COL25A1: variants seen among roughly 807,000 people sequenced by gnomAD.
COL25A1 encodes the protein collagen alpha-1(XXV) chain.
Under a neutral mutation model 128.4 loss-of-function variants are expected in COL25A1, and 103 were observed. The ratio of observed to expected loss-of-function variants is 0.80; its 90% CI spans 0.68 to 0.94. COL25A1 has a LOEUF of 0.94. Ranked by LOEUF, COL25A1 falls within the 40% of genes least tolerant of loss-of-function variation. The pLI is 0.00. For missense variants in COL25A1, 745 were observed against 840.0 expected, an observed-to-expected ratio of 0.89 and a Z score of 1.40; for synonymous variants, 279 against 277.2, an observed-to-expected ratio of 1.01 and a Z score of -0.06.
chr4:109,261,063 A>C (rs970572410), intron 3 of COL25A1, among the ~76,000 whole-genome samples: 1 of 152,230 alleles, frequency 6.6e-6, no homozygotes, highest in Non-Finnish European at 1.5e-5. Context: ...AAACCATAGA[A>C]GTGCTTAAGC....
intron 3 of COL25A1, among the ~76,000 whole-genome samples, chr4:109,276,542 T>G (rs1305769689): frequency 6.6e-6 from 1 of 152,102 alleles, no homozygotes; most frequent in Non-Finnish European, 1.5e-5. Context: ...TTATTCAACT[T>G]ACTGAGCAGA....
chr4:108,927,998 A>G (rs1266410383), intron 11 of COL25A1, among the ~76,000 whole-genome samples: 2 of 152,072 alleles, frequency 1.3e-5, no homozygotes, highest in African/African-American at 2.4e-5. Context: ...AAATTAGCTC[A>G]CTCCAGCCCT....
At chr4:109,181,776 C>T (rs1470795256) in intron 3 of COL25A1, among the ~76,000 whole-genome samples, 1 of 151,938 alleles carries the variant, frequency 6.6e-6, no homozygotes, top group Non-Finnish European at 1.5e-5. Flanking sequence ...CTATAGTCAC[C>T]ATGTTGTATA....
At chr4:109,269,380 C>T (rs1380950046) in intron 3 of COL25A1, among the ~76,000 whole-genome samples, 1 of 145,824 alleles carries the variant, frequency 6.9e-6, no homozygotes, top group Non-Finnish European at 1.5e-5. Flanking sequence ...GTGAATAATG[C>T]CGCAATAAAC....
chr4:108,895,938 C>CTTTTT (rs35506597), intron 16 of COL25A1, among the ~76,000 whole-genome samples: 58 of 70,824 alleles, frequency 8.2e-4, no homozygotes, highest in East Asian at 1.4e-3. Context: ...TATAATCAAA[C>CTTTTT]TTTTTTTTTT....
intron 10 of COL25A1, 92 bp downstream of exon 10, chr4:108,940,444 GACC>G: frequency 1.0e-6 from 1 of 982,408 alleles, no homozygotes; most frequent in Non-Finnish European, 1.7e-6. Context: ...TTGACCCCCT[GACC>G]TGATGCCCCT....
At chr4:109,132,465 G>A (rs1307149507) in intron 3 of COL25A1, among the ~76,000 whole-genome samples, 1 of 151,886 alleles carries the variant, frequency 6.6e-6, no homozygotes, top group African/African-American at 2.4e-5. Flanking sequence ...CTTTAATCCT[G>A]ACAATATATA....
At chr4:109,175,013 A>G (rs912588556) in intron 3 of COL25A1, among the ~76,000 whole-genome samples, 8 of 152,176 alleles carry the variant, frequency 5.3e-5, no homozygotes, top group African/African-American at 1.9e-4. Context: ...ACTCCTTATA[A>G]GAACCTAACT....
intron 19 of COL25A1, among the ~76,000 whole-genome samples, chr4:108,878,962 T>C (rs1739776540): frequency 6.6e-6 from 1 of 152,236 alleles, no homozygotes; most frequent in Admixed American, 6.5e-5. Context: ...TTTTCTCTTT[T>C]AGGAATTCAT....
Position 109,025,590 on chromosome 4 carries a change from A to G in COL25A1, c.421-15215T>C, listed in dbSNP as rs143495179. The stretch of plus-strand genomic sequence containing the variant: ...TTTCTAACACCCAGAGAGTCAATTA[A>G]TTTATAATGCATGAGTCACATCATG... On this transcript the variant is annotated intron_variant, in intron 5 of 37. Transcript: ENST00000399132. Among the ~76,000 whole-genome samples, 295 of 152,282 alleles carry G rather than the reference A, an allele frequency of 1.9e-3. 2 individuals are homozygous for G. The highest frequency in any genetic ancestry group is 6.0e-3 in the African/African-American group (248 of 41,556).
At chr4:109,090,828 T>C (rs1036392518) in intron 3 of COL25A1, among the ~76,000 whole-genome samples, 6 of 152,172 alleles carry the variant, frequency 3.9e-5, no homozygotes, top group African/African-American at 1.2e-4. Context: ...GCATTAGTGA[T>C]TGACATCTTC....
At chr4:109,282,029 G>C (rs1478974830) in intron 3 of COL25A1, among the ~76,000 whole-genome samples, 1 of 152,166 alleles carries the variant, frequency 6.6e-6, no homozygotes, top group African/African-American at 2.4e-5. Flanking sequence ...GCCTAAGGGT[G>C]TATGTCATTA....
chr4:108,931,768 A>C (rs1746773536), intron 11 of COL25A1, among the ~76,000 whole-genome samples: 1 of 152,124 alleles, frequency 6.6e-6, no homozygotes, highest in Admixed American at 6.5e-5. Context: ...CCAGAAATAG[A>C]AGGCATCACT....
intron 3 of COL25A1, among the ~76,000 whole-genome samples, chr4:109,078,826 T>C (rs1579297080): frequency 6.6e-6 from 1 of 152,220 alleles, no homozygotes; most frequent in African/African-American, 2.4e-5. Flanking sequence ...CTTGTAATCC[T>C]GAACACCTTC....
At chr4:109,128,832 G>A (rs1290863519) in intron 3 of COL25A1, among the ~76,000 whole-genome samples, 4 of 152,186 alleles carry the variant, frequency 2.6e-5, no homozygotes, top group Non-Finnish European at 5.9e-5. Context: ...TGGTATCTAA[G>A]GTTCCTTCTG....
chr4:109,285,585 T>G (rs949519006), intron 3 of COL25A1, among the ~76,000 whole-genome samples: 2 of 152,202 alleles, frequency 1.3e-5, no homozygotes, highest in African/African-American at 2.4e-5. Flanking sequence ...AAAGGGATTA[T>G]CAGTGCCAGT....
chr4:109,239,699 C>T (rs1560915267), intron 3 of COL25A1, among the ~76,000 whole-genome samples: 4 of 151,658 alleles, frequency 2.6e-5, no homozygotes, highest in Non-Finnish European at 4.4e-5. Context: ...CTTATAAACA[C>T]AGTATACTTA....
At chr4:109,000,219 A>T (rs1755212433) in intron 6 of COL25A1, among the ~76,000 whole-genome samples, 1 of 152,202 alleles carries the variant, frequency 6.6e-6, no homozygotes, top group Non-Finnish European at 1.5e-5. Flanking sequence ...ATTAATATTC[A>T]CTGAGTGATT....
intron 35 of COL25A1, among the ~76,000 whole-genome samples, chr4:108,822,042 A>ACTTTTTTTTTTTTTT (rs1731823432): frequency 8.0e-5 from 1 of 12,488 alleles, no homozygotes; most frequent in Admixed American, 1.3e-3. Flanking sequence ...TCCTAATGGT[A>ACTTTTTTTTTTTTTT]ATTTTTTTTT....
Sources: gnomAD v4.1 joint callset for allele counts (sites outside exome capture counted in the v4.1 genomes callset) on GRCh38, gnomAD v4.1.1 for gene constraint, MANE v1.5 for transcripts, NCBI Gene and HGNC (gene_info 2026-07-23, HGNC 2026-07-21) for gene names.